Variants in NFIB observed in about 807,000 individuals in gnomAD.
The protein encoded by NFIB is nuclear factor 1 B-type.
Under a neutral mutation model 61.5 loss-of-function variants are expected in NFIB, and 11 were observed. The observed-to-expected ratio is 0.18, with a 90% CI of 0.11 to 0.30. The LOEUF (loss-of-function observed/expected upper bound fraction) is 0.30. Among genes scored for constraint, NFIB ranks in the 10% least tolerant of loss-of-function variants. NFIB has a pLI of 1.00. For missense variants in NFIB, 471 were observed against 608.9 expected, an observed-to-expected ratio of 0.77 and a Z score of 2.38; for synonymous variants, 260 against 216.5, an observed-to-expected ratio of 1.20 and a Z score of -1.76.
the NFIB span, among the ~76,000 whole-genome samples, chr9:14,417,703 T>C: frequency 9.9e-5 from 15 of 151,412 alleles, no homozygotes; most frequent in Non-Finnish European, 1.3e-4. Flanking sequence ...GGGTATTATT[T>C]AAAATACAAG....
In NFIB at chr9:14,197,434, T is replaced by A. The variant is rs939698811; in HGVS notation, c.563-17654A>T. ...AAAGACACTGTTGTTATTCTTCCAATTGAGTTATTTGCAAATGGATCTTCT... is the reference window on the plus strand; with the variant it reads ...AAAGACACTGTTGTTATTCTTCCAAATGAGTTATTTGCAAATGGATCTTCT... On this transcript the variant is annotated intron_variant, in intron 2 of 10. Transcript: ENST00000380953. Among the ~76,000 whole-genome samples the A allele has an allele frequency of 1.3e-5, 2 of 152,322 alleles. 1 individual carries two copies. Among genetic ancestry groups the A allele is most frequent in the South Asian group, 4.1e-4 (2 of 4,828 alleles).
Position 14,307,646 on chromosome 9 carries a change from C to T in NFIB, c.31-126G>A, listed in dbSNP as rs2060084446. ...TACAAAAAGTTATACATGAAAATAA[C>T]ATTCCTTTCTTATTTAAAATTATCA... On this transcript the variant is annotated intron_variant, in intron 1 of 10. Coordinates refer to ENST00000380953, the MANE Select transcript of NFIB (RefSeq NM_001190737.2). The surrounding 1 kb of genome is among the most constrained non-coding windows in gnomAD (Gnocchi z 5.3). 1 of 896,910 alleles carries T rather than the reference C, an allele frequency of 1.1e-6. No homozygotes were observed. Among genetic ancestry groups the T allele is most frequent in the Non-Finnish European group, 1.6e-6 (1 of 626,472 alleles). 55.6% of individuals were successfully genotyped at this position (896,910 alleles called of 1,614,324 possible).
At chr9:14,513,632 A>G in the NFIB span, among the ~76,000 whole-genome samples, 710 of 146,844 alleles carry the variant, frequency 4.8e-3, 5 homozygotes, top group Middle Eastern at 0.029. Context: ...CATCTCAAAA[A>G]AAAAAAAGAA....
chr9:14,416,638 G>C, the NFIB span, among the ~76,000 whole-genome samples: 10 of 152,168 alleles, frequency 6.6e-5, no homozygotes, highest in Admixed American at 6.5e-4. Context: ...CGGTTAACAA[G>C]TTAAAAAAAT....
At chr9:14,115,626 A>C (rs1305854544) in intron 9 of NFIB, among the ~76,000 whole-genome samples, 1 of 152,212 alleles carries the variant, frequency 6.6e-6, no homozygotes, top group African/African-American at 2.4e-5. Context: ...GTTTTAAAAA[A>C]AAAGCTTGCA....
intron 2 of NFIB, among the ~76,000 whole-genome samples, chr9:14,278,112 C>A (rs1286153342): frequency 6.6e-6 from 1 of 152,152 alleles, no homozygotes; most frequent in Non-Finnish European, 1.5e-5. Context: ...CTGTCACAAC[C>A]ATCCTGATGA....
chr9:14,389,049 G>C (rs2061589321), intron 1 of NFIB, among the ~76,000 whole-genome samples: 1 of 152,190 alleles, frequency 6.6e-6, no homozygotes, highest in South Asian at 2.1e-4. Context: ...ATAGTGTGTA[G>C]CTTTGGATCA....
At chr9:14,259,238 G>A (rs1370453951) in intron 2 of NFIB, among the ~76,000 whole-genome samples, 1 of 152,212 alleles carries the variant, frequency 6.6e-6, no homozygotes, top group Non-Finnish European at 1.5e-5. Flanking sequence ...GCTTGTGGTG[G>A]TGATGAAAGT....
intron 2 of NFIB, chr9:14,204,820 TC>T: frequency 4.2e-6 from 2 of 480,694 alleles, no homozygotes; most frequent in Non-Finnish European, 7.7e-6. Context: ...GACTGGGACA[TC>T]TAATCCACAG....
the NFIB span, among the ~76,000 whole-genome samples, chr9:14,471,428 G>A: frequency 1.3e-5 from 2 of 152,180 alleles, no homozygotes; most frequent in African/African-American, 2.4e-5. Context: ...CCCCAGAAGC[G>A]TTGCCATCAT....
intron 9 of NFIB, among the ~76,000 whole-genome samples, chr9:14,113,689 G>A (rs2037714001): frequency 6.6e-6 from 1 of 152,070 alleles, no homozygotes; most frequent in African/African-American, 2.4e-5. Context: ...TGATAGGAAT[G>A]TTTTTGAAAA....
At chr9:14,257,035 C>A (rs1194010757) in intron 2 of NFIB, among the ~76,000 whole-genome samples, 1 of 152,182 alleles carries the variant, frequency 6.6e-6, no homozygotes, top group African/African-American at 2.4e-5. Flanking sequence ...AAAACACTGT[C>A]ACTTTTATGG....
chr9:14,457,691 A>G, the NFIB span, among the ~76,000 whole-genome samples: 2 of 152,176 alleles, frequency 1.3e-5, no homozygotes, highest in African/African-American at 4.8e-5. Context: ...GGTTATCACC[A>G]CCGATCCCAC....
At chr9:14,383,082 A>AG (rs1220698171) in intron 1 of NFIB, among the ~76,000 whole-genome samples, 4 of 114,480 alleles carry the variant, frequency 3.5e-5, no homozygotes, top group Non-Finnish European at 8.1e-5. Flanking sequence ...AAGGAATATG[A>AG]CAAAAAATTG....
At chr9:14,482,447 C>T in the NFIB span, among the ~76,000 whole-genome samples, 10 of 152,156 alleles carry the variant, frequency 6.6e-5, no homozygotes, top group Non-Finnish European at 1.5e-5. Context: ...ATTTGCAGAA[C>T]CCCTCACCCC....
chr9:14,473,694 ACAAGG>A, the NFIB span, among the ~76,000 whole-genome samples: 1 of 152,176 alleles, frequency 6.6e-6, no homozygotes, highest in Non-Finnish European at 1.5e-5. Context: ...TGTGTATACT[ACAAGG>A]CATTTGCGAC....
At chr9:14,238,775 C>T (rs1380386738) in intron 2 of NFIB, among the ~76,000 whole-genome samples, 1 of 152,042 alleles carries the variant, frequency 6.6e-6, no homozygotes, top group African/African-American at 2.4e-5. Flanking sequence ...ACGTCTCTTG[C>T]CACAGGGGGA....
chr9:14,171,497 G>A (rs1468172446), intron 3 of NFIB, among the ~76,000 whole-genome samples: 1 of 152,166 alleles, frequency 6.6e-6, no homozygotes, highest in Non-Finnish European at 1.5e-5. Context: ...GCAAGAAACA[G>A]TGTTCAGAGG....
chr9:14,098,009 A>T (rs922132495), intron 10 of NFIB, among the ~76,000 whole-genome samples: 3 of 151,730 alleles, frequency 2.0e-5, no homozygotes, highest in Non-Finnish European at 2.9e-5. Flanking sequence ...TCTTAGAAAA[A>T]CATGTGTAAA....
Sources: allele counts gnomAD v4.1 joint callset (sites outside exome capture counted in the v4.1 genomes callset), GRCh38; gene constraint gnomAD v4.1.1; non-coding constraint Gnocchi (gnomAD v3.1); transcripts MANE v1.5; gene names NCBI Gene and HGNC (gene_info 2026-07-23, HGNC 2026-07-21).